ATP1A4: variants seen among roughly 807,000 people sequenced by gnomAD.
ATP1A4 encodes the protein sodium/potassium-transporting ATPase subunit alpha-4.
ATP1A4 carries 90 observed loss-of-function variants against 114.3 expected under a neutral mutation model. That is an observed-to-expected ratio of 0.79 (90% CI 0.66 to 0.94). The LOEUF (loss-of-function observed/expected upper bound fraction) is 0.94, where lower values mean the gene tolerates loss of function less well. Ranked by LOEUF, ATP1A4 falls within the 40% of genes least tolerant of loss-of-function variation. ATP1A4 has a pLI of 0.00. For synonymous variants in ATP1A4, 511 were observed against 494.1 expected (o/e 1.03, Z -0.45); for missense variants, 1,222 against 1,313.6 (o/e 0.93, Z 1.08).
chr1:160,184,967 C>T (rs910891440), intron 20 of ATP1A4, among the ~76,000 whole-genome samples: 46 of 152,314 alleles, frequency 3.0e-4, no homozygotes, highest in African/African-American at 1.0e-3. Flanking sequence ...TCAGACAACC[C>T]CTCCCCTTTG....
intron 13 of ATP1A4, 56 bp from the exon 14 acceptor site, chr1:160,174,055 A>C: frequency 6.3e-7 from 1 of 1,580,960 alleles, no homozygotes; most frequent in Non-Finnish European, 8.6e-7. Context: ...GGGCACCAAG[A>C]CCCCTGGTGA....
chr1:160,155,006 T>C (rs769672787), intron 2 of ATP1A4, 39 bp from the exon 3 acceptor site: 1 of 1,594,742 alleles, frequency 6.3e-7, no homozygotes, highest in Non-Finnish European at 8.6e-7. Context: ...GTTCCTCTTT[T>C]CACAGCTCTC....
chr1:160,171,528 C>T, intron 11 of ATP1A4, 57 bp from the exon 12 acceptor site: 1 of 1,598,098 alleles, frequency 6.3e-7, no homozygotes, highest in Non-Finnish European at 8.6e-7. Context: ...TTGGGGTAAG[C>T]AGATAGGAAT....
intron 15 of ATP1A4, 57 bp from the exon 16 acceptor site, chr1:160,176,035 T>A: frequency 1.3e-6 from 2 of 1,595,334 alleles, no homozygotes; most frequent in South Asian, 2.2e-5. Flanking sequence ...CCGGAGCTGG[T>A]TTGAGGGAGG....
chr1:160,185,201 C>T (rs984057095), intron 20 of ATP1A4, among the ~76,000 whole-genome samples: 2 of 151,786 alleles, frequency 1.3e-5, no homozygotes, highest in African/African-American at 2.4e-5. Context: ...CAACCTCCGC[C>T]TCCCGGGTTC....
At position 160,183,863 on chromosome 1, in the gene ATP1A4, T is replaced by C. The variant is rs142479774; in HGVS notation, c.2969+1832T>C. Reference sequence around the variant, plus strand: ...CAACTGTTGAAAATAATTTTGTATCTGAGTTCAAACATTCTGTCAGTGAAA... The same window carrying C: ...CAACTGTTGAAAATAATTTTGTATCCGAGTTCAAACATTCTGTCAGTGAAA... On this transcript the variant is annotated intron_variant, in intron 20 of 21. Coordinates refer to ENST00000368081, the MANE Select transcript of ATP1A4 (RefSeq NM_144699.4). Among the ~76,000 whole-genome samples the C allele has an allele frequency of 4.1e-3, 627 of 152,298 alleles. 4 individuals carry two copies. Among genetic ancestry groups the C allele is most frequent in the African/African-American group, 0.014 (566 of 41,566 alleles).
At chr1:160,177,470 G>A (rs1321874213) in intron 17 of ATP1A4, 49 bp from the exon 18 acceptor site, 7 of 1,601,790 alleles carry the variant, frequency 4.4e-6, no homozygotes, top group Non-Finnish European at 6.0e-6. Context: ...ACCTTTTGGG[G>A]CCCTTCTCTG....
At position 160,173,635 on chromosome 1, in the gene ATP1A4, G is replaced by A. The variant is rs765444294; in HGVS notation, c.1909G>A (p.Val637Met). 9.3e-6 allele frequency: 15 copies of A among 1,614,094 alleles called. No individual in the cohort carries two copies. The highest frequency in any genetic ancestry group is 4.5e-5 in the East Asian group (2 of 44,884). ...TACAGCTAAGGCCATTGCCAAGGGTGTGGGCATCATCTCAGAAGGCACTGA... is the reference window on the plus strand; with the variant it reads ...TACAGCTAAGGCCATTGCCAAGGGTATGGGCATCATCTCAGAAGGCACTGA... ...PITAKAIAKGVGIISEGTETA... is the reference protein window; with the variant it reads ...PITAKAIAKGMGIISEGTETA... The change falls in exon 13 of 22, where the codon GTG becomes ATG. Residue 637 changes from valine to methionine, a missense_variant. Coordinates refer to ENST00000368081, the MANE Select transcript of ATP1A4 (RefSeq NM_144699.4).
chr1:160,153,137 T>A, intron 1 of ATP1A4, 28 bp from the exon 2 acceptor site: 1 of 1,605,836 alleles, frequency 6.2e-7, no homozygotes, highest in Non-Finnish European at 8.5e-7. Flanking sequence ...CCACCCCCTG[T>A]CCCTCAATGC....
chr1:160,181,578 A>T, intron 18 of ATP1A4, 106 bp from the exon 19 acceptor site: 19 of 1,131,752 alleles, frequency 1.7e-5, no homozygotes, highest in East Asian at 2.5e-5. Flanking sequence ...AAAAAGAATG[A>T]GGACCTGACT....
chr1:160,168,746 G>C lies in ATP1A4; in HGVS notation c.1491+1334G>C, dbSNP rs140069107. Among the ~76,000 whole-genome samples the C allele has an allele frequency of 8.5e-4, 130 of 152,082 alleles. 2 individuals carry two copies. Among genetic ancestry groups the C allele is most frequent in the Middle Eastern group, 3.4e-3 (1 of 294 alleles). On this transcript the variant is annotated intron_variant, in intron 10 of 21. Transcript: ENST00000368081. ...TTACACTGAAAACTGAGCAAGTAAG[G>C]GTTAAATAGATCTATCCTTTTCTGT...
chr1:160,185,010 A>T (rs1175612690), intron 20 of ATP1A4, among the ~76,000 whole-genome samples: 1 of 152,214 alleles, frequency 6.6e-6, no homozygotes, highest in Non-Finnish European at 1.5e-5. Flanking sequence ...CAGAGAGCAC[A>T]GGGGTCTCCC....
At chr1:160,171,909 T>C in intron 12 of ATP1A4, 152 bp downstream of exon 12, 1 of 795,192 alleles carries the variant, frequency 1.3e-6, no homozygotes, top group Non-Finnish European at 1.9e-6. Context: ...ATAGTAAGTT[T>C]CCTCTCCAGT....
chr1:160,182,658 C>T (rs2101658739), intron 20 of ATP1A4: 1 of 152,844 alleles, frequency 6.5e-6, no homozygotes, highest in Non-Finnish European at 1.5e-5. Flanking sequence ...TCTTCCAACA[C>T]ATTTCTTTAT....
chr1:160,164,516 A>G, intron 7 of ATP1A4, 92 bp downstream of exon 7: 1 of 1,347,712 alleles, frequency 7.4e-7, no homozygotes, highest in Non-Finnish European at 1.0e-6. Flanking sequence ...TGAACCTTTC[A>G]AGTGCAGGGT....
intron 9 of ATP1A4, 72 bp downstream of exon 9, chr1:160,167,149 C>T: frequency 6.3e-7 from 1 of 1,575,250 alleles, no homozygotes. Flanking sequence ...AAAATCCTCT[C>T]CTGGAGCTCA....
At chr1:160,172,135 CA>C in intron 12 of ATP1A4, among the ~76,000 whole-genome samples, 3 of 152,312 alleles carry the variant, frequency 2.0e-5, no homozygotes, top group African/African-American at 7.2e-5. Context: ...GCAGATCCCT[CA>C]GGGATTGTTT....
In ATP1A4 at chr1:160,161,667, C is replaced by A. The variant is rs1252301511; in HGVS notation, c.778+2141C>A. On this transcript the variant is annotated intron_variant, in intron 6 of 21. Transcript: ENST00000368081. ...CAAAATAGGAAACTCCTCAGCATCT[C>A]TCAAGTATTTCAGCATCTTCATTCC... Among the ~76,000 whole-genome samples the A allele has an allele frequency of 1.3e-5, 2 of 152,252 alleles. 1 individual carries two copies. Among genetic ancestry groups the A allele is most frequent in the Middle Eastern group, 6.3e-3 (2 of 316 alleles).
chr1:160,155,361 T>C (rs1460462923), intron 3 of ATP1A4, 113 bp downstream of exon 3: 1 of 629,638 alleles, frequency 1.6e-6, no homozygotes, highest in Non-Finnish European at 2.7e-6. Context: ...CTAATTACAT[T>C]ATTACATTAA....
Sources: gnomAD v4.1 joint callset for allele counts (sites outside exome capture counted in the v4.1 genomes callset) on GRCh38, gnomAD v4.1.1 for gene constraint, MANE v1.5 for transcripts, NCBI Gene and HGNC (gene_info 2026-07-23, HGNC 2026-07-21) for gene names.